NKAIN3: variants seen among roughly 807,000 people sequenced by gnomAD.
NKAIN3 encodes sodium/potassium-transporting ATPase subunit beta-1-interacting protein 3.
NKAIN3 carries 25 observed loss-of-function variants against 30.2 expected under a neutral mutation model. The observed-to-expected ratio is 0.83, with a 90% CI of 0.60 to 1.16. The LOEUF (loss-of-function observed/expected upper bound fraction) is 1.16. Among genes scored for constraint, NKAIN3 ranks in the 50% most tolerant of loss-of-function variants. The pLI, the probability that NKAIN3 is intolerant of heterozygous loss-of-function variation, is 0.00. For missense variants in NKAIN3, 225 were observed against 254.1 expected, an observed-to-expected ratio of 0.89 and a Z score of 0.78; for synonymous variants, 91 against 89.6, an observed-to-expected ratio of 1.02 and a Z score of -0.09.
intron 1 of NKAIN3, among the ~76,000 whole-genome samples, chr8:62,545,824 T>C (rs1808987354): frequency 6.6e-6 from 1 of 152,144 alleles, no homozygotes; most frequent in Non-Finnish European, 1.5e-5. Flanking sequence ...TCAAATAGAT[T>C]CCTAGAAATA....
intron 1 of NKAIN3, among the ~76,000 whole-genome samples, chr8:62,357,635 G>A (rs929410337): frequency 6.6e-5 from 10 of 152,086 alleles, no homozygotes; most frequent in South Asian, 4.2e-4. Context: ...ACATCAAAAC[G>A]CAAGCCCATA....
intron 4 of NKAIN3, among the ~76,000 whole-genome samples, chr8:62,886,484 C>T (rs1303162339): frequency 1.3e-5 from 2 of 152,024 alleles, no homozygotes; most frequent in Non-Finnish European, 2.9e-5. Context: ...TATGTGGATA[C>T]AAGTTTCTCT....
At chr8:62,840,641 A>G (rs559577512) in intron 4 of NKAIN3, among the ~76,000 whole-genome samples, 4 of 152,248 alleles carry the variant, frequency 2.6e-5, no homozygotes, top group Admixed American at 2.6e-4. Context: ...AAATATTATA[A>G]TTGCAAGCAA....
chr8:62,563,246 G>A (rs1005773933), intron 1 of NKAIN3, among the ~76,000 whole-genome samples: 3 of 152,118 alleles, frequency 2.0e-5, no homozygotes, highest in African/African-American at 7.2e-5. Context: ...GAAGGAAGAG[G>A]AGTTAGGTTT....
chr8:62,472,957 G>C (rs1806401845), intron 1 of NKAIN3, among the ~76,000 whole-genome samples: 1 of 152,334 alleles, frequency 6.6e-6, no homozygotes, highest in East Asian at 1.9e-4. Flanking sequence ...TGTCTCTGCT[G>C]TCTGCTCTGC....
rs148969256 is a variant in NKAIN3, at chr8:62,955,621, C to T, written c.603+1649C>T. ...TTCTATTAGGGAAAGTTATTAAAAACTCCATTTGATAAATGTTGATAATGA... is the reference window on the plus strand; with the variant it reads ...TTCTATTAGGGAAAGTTATTAAAAATTCCATTTGATAAATGTTGATAATGA... On this transcript the variant is annotated intron_variant, in intron 6 of 6. Coordinates refer to ENST00000623646, the MANE Select transcript of NKAIN3 (RefSeq NM_001304533.3). Among the ~76,000 whole-genome samples, 255 of 152,194 alleles carry T rather than the reference C, an allele frequency of 1.7e-3. 1 individual carries two copies. Among genetic ancestry groups the T allele is most frequent in the Non-Finnish European group, 2.9e-3 (195 of 68,012 alleles).
intron 1 of NKAIN3, among the ~76,000 whole-genome samples, chr8:62,417,224 T>C (rs1034504361): frequency 6.6e-6 from 1 of 152,108 alleles, no homozygotes; most frequent in South Asian, 2.1e-4. Context: ...GAATGCAATG[T>C]TTTTCTTTCT....
intron 3 of NKAIN3, among the ~76,000 whole-genome samples, chr8:62,640,312 A>C (rs368469308): frequency 2.6e-5 from 4 of 152,052 alleles, no homozygotes; most frequent in East Asian, 3.9e-4. Context: ...GTGAGTTCTC[A>C]TGAGATCTGA....
intron 4 of NKAIN3, among the ~76,000 whole-genome samples, chr8:62,796,577 T>A (rs888686914): frequency 1.3e-5 from 2 of 152,006 alleles, no homozygotes; most frequent in Non-Finnish European, 2.9e-5. Flanking sequence ...GATGACTAAA[T>A]GTATCCAGAG....
intron 4 of NKAIN3, among the ~76,000 whole-genome samples, chr8:62,822,043 A>G (rs1183790473): frequency 1.3e-5 from 2 of 152,218 alleles, no homozygotes; most frequent in East Asian, 3.9e-4. Flanking sequence ...CCAGGATACA[A>G]ATTTGAAGAT....
At chr8:62,521,259 G>C (rs1290512018) in intron 1 of NKAIN3, among the ~76,000 whole-genome samples, 1 of 152,144 alleles carries the variant, frequency 6.6e-6, no homozygotes, top group African/African-American at 2.4e-5. Flanking sequence ...CCCATGGGTA[G>C]AAAGGCCACA....
At chr8:62,950,813 T>C (rs891584355) in intron 5 of NKAIN3, among the ~76,000 whole-genome samples, 1 of 152,178 alleles carries the variant, frequency 6.6e-6, no homozygotes, top group Non-Finnish European at 1.5e-5. Flanking sequence ...CCTACATTTT[T>C]TAGTTTTCAA....
chr8:62,891,678 C>T (rs764534117), intron 4 of NKAIN3, among the ~76,000 whole-genome samples: 10 of 152,108 alleles, frequency 6.6e-5, no homozygotes, highest in Non-Finnish European at 1.2e-4. Context: ...TGAACAGAGA[C>T]AAAATTCCTT....
At chr8:62,575,305 G>A (rs1174949838) in intron 1 of NKAIN3, among the ~76,000 whole-genome samples, 1 of 152,004 alleles carries the variant, frequency 6.6e-6, no homozygotes. Context: ...AAAATCAGTA[G>A]CATTTCTGTA....
intron 4 of NKAIN3, among the ~76,000 whole-genome samples, chr8:62,826,029 T>C: frequency 6.6e-6 from 1 of 152,190 alleles, no homozygotes; most frequent in South Asian, 2.1e-4. Context: ...ATATAATACT[T>C]GCTCCTGGCT....
intron 1 of NKAIN3, among the ~76,000 whole-genome samples, chr8:62,399,532 A>G (rs769813093): frequency 5.9e-5 from 9 of 152,216 alleles, no homozygotes; most frequent in Non-Finnish European, 1.3e-4. Flanking sequence ...GAGAGAGAGA[A>G]AGAAATACAT....
At chr8:62,342,171 T>C (rs926633820) in intron 1 of NKAIN3, among the ~76,000 whole-genome samples, 2 of 148,820 alleles carry the variant, frequency 1.3e-5, no homozygotes, top group African/African-American at 2.5e-5. Context: ...AGAGGTGTCT[T>C]ATTCCCTCTA....
At chr8:62,512,686 G>A (rs1432551584) in intron 1 of NKAIN3, among the ~76,000 whole-genome samples, 1 of 152,086 alleles carries the variant, frequency 6.6e-6, no homozygotes, top group Non-Finnish European at 1.5e-5. Flanking sequence ...ATGGCAATGT[G>A]TACTTAGCAG....
chr8:62,316,847 C>A (rs922106586), intron 1 of NKAIN3, among the ~76,000 whole-genome samples: 1 of 152,006 alleles, frequency 6.6e-6, no homozygotes, highest in Non-Finnish European at 1.5e-5. Flanking sequence ...CCTGAGGAAT[C>A]GCCACACTAA....
Sources: gnomAD v4.1 joint callset for allele counts (sites outside exome capture counted in the v4.1 genomes callset) on GRCh38, gnomAD v4.1.1 for gene constraint, MANE v1.5 for transcripts, NCBI Gene and HGNC (gene_info 2026-07-23, HGNC 2026-07-21) for gene names.